GPLD1: variants seen among roughly 807,000 people sequenced by gnomAD.
GPLD1 encodes the protein phosphatidylinositol-glycan-specific phospholipase D.
GPLD1 carries 84 observed loss-of-function variants against 112.6 expected under a neutral mutation model. That is an observed-to-expected ratio of 0.75 (90% CI 0.63 to 0.89). The LOEUF is 0.89. Among genes scored for constraint, GPLD1 ranks in the 40% least tolerant of loss-of-function variants. GPLD1 has a pLI of 0.00. For missense variants in GPLD1, 1,044 were observed against 1,051.5 expected (o/e 0.99, Z 0.10); for synonymous variants, 386 against 403.8 (o/e 0.96, Z 0.53).
intron 5 of GPLD1, 98 bp from the exon 6 acceptor site, chr6:24,473,765 A>C: frequency 4.2e-6 from 3 of 713,552 alleles, no homozygotes; most frequent in Non-Finnish European, 7.5e-6. Context: ...CAGCTAACTC[A>C]ATGAACTGCT....
intron 11 of GPLD1, among the ~76,000 whole-genome samples, chr6:24,462,225 T>G (rs769201967): frequency 7.9e-5 from 12 of 152,112 alleles, no homozygotes; most frequent in Non-Finnish European, 1.8e-4. Flanking sequence ...CTCGAACTCC[T>G]AGGCTCAAGC....
rs1220319145 is a variant in GPLD1 at position 24,426,547 on chromosome 6, G to A, written c.*2485C>T. The stretch of plus-strand genomic sequence containing the variant: ...TTGCTATTGGGTGTATTCAGGCATT[G>A]AGAAAAATATAAATCGTGAGGTAAA... On this transcript the variant is annotated 3_prime_UTR_variant, in exon 25 of 25. Transcript: ENST00000230036. Among the ~76,000 whole-genome samples the A allele has an allele frequency of 1.3e-5, 2 of 152,174 alleles. No individual in the cohort carries two copies. The highest frequency in any genetic ancestry group is 2.9e-5 in the Non-Finnish European group (2 of 68,030).
Position 24,447,786 on chromosome 6 carries a change from TAAGGAAA to T in GPLD1, c.1678+84_1678+90del, listed in dbSNP as rs1353745134. On this transcript the variant is annotated intron_variant, in intron 17 of 24. Coordinates refer to ENST00000230036, the MANE Select transcript of GPLD1 (RefSeq NM_001503.4). Reference sequence around the variant, plus strand: ...AAAATGTTGGTGAAATGATATGGAATAAGGAAAAAGGATATAAACCCCTATGCAGGAT... The same window carrying T: ...AAAATGTTGGTGAAATGATATGGAATAAGGATATAAACCCCTATGCAGGAT... The T allele has an allele frequency of 1.1e-5, 13 of 1,194,404 alleles. 1 individual carries two copies. The highest frequency in any genetic ancestry group is 6.1e-5 in the African/African-American group (4 of 65,722). The allele number at this position is 1,194,404 out of a possible 1,614,324, so 74.0% of individuals were successfully genotyped here. A position where few individuals can be genotyped will look rare whatever the true frequency, so the allele number is the denominator to read the frequency against.
chr6:24,492,061 C>G (rs982299757), upstream of GPLD1, among the ~76,000 whole-genome samples: 4 of 152,106 alleles, frequency 2.6e-5, no homozygotes, highest in Non-Finnish European at 4.4e-5. Flanking sequence ...TTGTTATAAA[C>G]AAGACAGCAT....
chr6:24,467,979 T>C (rs1456218233), intron 7 of GPLD1, among the ~76,000 whole-genome samples: 1 of 152,128 alleles, frequency 6.6e-6, no homozygotes, highest in African/African-American at 2.4e-5. Context: ...CAATCTCCGT[T>C]CACCGCAACC....
rs1050963144 is a variant in GPLD1, at chr6:24,433,615, C to T, written c.2359-226G>A. ...TCAAGCAAGTCTCCCGCTTCAGCCT[C>T]GTGAGTTGATGGAATTACAGGCGCC... On this transcript the variant is annotated intron_variant, in intron 22 of 24. Coordinates refer to ENST00000230036, the MANE Select transcript of GPLD1 (RefSeq NM_001503.4). 16 of 433,664 alleles carry T rather than the reference C, an allele frequency of 3.7e-5. No individual in the cohort carries two copies. In the East Asian group the frequency reaches 6.2e-4, roughly 17 times the overall value. 26.9% of individuals were successfully genotyped at this position (433,664 alleles called of 1,614,324 possible).
At chr6:24,431,553 G>C (rs1279653346) in intron 24 of GPLD1, among the ~76,000 whole-genome samples, 1 of 95,956 alleles carries the variant, frequency 1.0e-5, no homozygotes, top group East Asian at 3.1e-4. Context: ...TTTTTTTTTT[G>C]AGACAGAGTC....
At chr6:24,473,078 CTTT>C (rs71674147) in intron 6 of GPLD1, 3,016 of 129,006 alleles carry the variant, frequency 0.023, 51 homozygotes, top group South Asian at 0.059. Flanking sequence ...GCCAGGCCGC[CTTT>C]TTTTTTTTTT....
intron 14 of GPLD1, among the ~76,000 whole-genome samples, chr6:24,450,991 G>GAATA (rs71754620): frequency 2.8e-4 from 43 of 152,062 alleles, no homozygotes; most frequent in Admixed American, 3.3e-4. Context: ...CACACAAACA[G>GAATA]AATAAATAAA....
intron 2 of GPLD1, among the ~76,000 whole-genome samples, chr6:24,482,826 G>GT (rs922792112): frequency 2.0e-4 from 31 of 152,156 alleles, no homozygotes; most frequent in African/African-American, 7.0e-4. Flanking sequence ...AAACATGGTG[G>GT]TGCAGCTACT....
intron 24 of GPLD1, among the ~76,000 whole-genome samples, chr6:24,432,785 C>T (rs1219237813): frequency 6.6e-6 from 1 of 152,226 alleles, no homozygotes; most frequent in Non-Finnish European, 1.5e-5. Context: ...AGCACGACAG[C>T]AGCCACGCGC....
intron 20 of GPLD1, among the ~76,000 whole-genome samples, chr6:24,443,469 G>A (rs575001242): frequency 1.3e-5 from 2 of 152,262 alleles, no homozygotes; most frequent in East Asian, 3.9e-4. Flanking sequence ...CAGTTTGTCA[G>A]TTTGCCAACA....
In GPLD1 at chr6:24,480,046, C is replaced by T. The variant is rs112018546; in HGVS notation, c.154-87G>A. On this transcript the variant is annotated intron_variant, in intron 2 of 24. Coordinates refer to ENST00000230036, the MANE Select transcript of GPLD1 (RefSeq NM_001503.4). ...CCCACCAATTTTCTGTGATGAGATG[C>T]TAGAAATATGGGGGTATAGATGGAA... is the stretch of plus-strand genomic sequence containing the variant. The T allele has an allele frequency of 1.5e-3, 1,196 of 783,962 alleles. 9 individuals carry two copies. The African/African-American group carries it at 0.018, about 12-fold the overall frequency. The allele number at this position is 783,962 out of a possible 1,614,324, so 48.6% of individuals were successfully genotyped here.
intron 12 of GPLD1, among the ~76,000 whole-genome samples, chr6:24,457,029 C>T (rs900823475): frequency 1.6e-4 from 25 of 152,180 alleles, no homozygotes; most frequent in Non-Finnish European, 7.3e-5. Context: ...CGCCACCACA[C>T]CCAGCTAATT....
intron 14 of GPLD1, among the ~76,000 whole-genome samples, chr6:24,453,014 C>T (rs891143949): frequency 1.3e-5 from 2 of 152,012 alleles, no homozygotes; most frequent in African/African-American, 2.4e-5. Context: ...CACCCCCCCA[C>T]GCTCCTCCTT....
chr6:24,447,060 GC>G, intron 17 of GPLD1, 81 bp from the exon 18 acceptor site: 1 of 1,320,288 alleles, frequency 7.6e-7, no homozygotes, highest in Non-Finnish European at 1.1e-6. Context: ...CCTTCTCGTA[GC>G]CTAATAGAAG....
chr6:24,445,852 C>T (rs1416190498), intron 18 of GPLD1, 21 bp from the exon 19 acceptor site: 1 of 1,545,400 alleles, frequency 6.5e-7, no homozygotes, highest in Non-Finnish European at 8.9e-7. Flanking sequence ...GCACACTGGG[C>T]TTAGCTGCCA....
intron 20 of GPLD1, among the ~76,000 whole-genome samples, chr6:24,443,175 G>A (rs544297349): frequency 1.2e-4 from 18 of 152,226 alleles, no homozygotes; most frequent in East Asian, 1.9e-4. Context: ...GAGGACGAAC[G>A]TAGAAATGAA....
intron 10 of GPLD1, among the ~76,000 whole-genome samples, chr6:24,466,100 T>G (rs1391661931): frequency 6.6e-6 from 1 of 152,226 alleles, no homozygotes; most frequent in Non-Finnish European, 1.5e-5. Flanking sequence ...ATCCCAGCAC[T>G]TTGGGAGACC....
Sources: gnomAD v4.1 joint callset for allele counts (sites outside exome capture counted in the v4.1 genomes callset) on GRCh38, gnomAD v4.1.1 for gene constraint, MANE v1.5 for transcripts, NCBI Gene and HGNC (gene_info 2026-07-23, HGNC 2026-07-21) for gene names.